NRG3: variants seen among roughly 807,000 people sequenced by gnomAD.
NRG3 encodes neuregulin 3.
A neutral mutation model predicts 66.9 loss-of-function variants in NRG3; 31 were observed. That is an observed-to-expected ratio of 0.46 (90% CI 0.35 to 0.63). The LOEUF is 0.63. Among genes scored for constraint, NRG3 ranks in the 20% least tolerant of loss-of-function variants. The probability of loss-of-function intolerance (pLI) is 0.00; values close to 1 mark genes in which losing one functional copy is unlikely to be tolerated. For missense variants in NRG3, 910 were observed against 878.9 expected, an observed-to-expected ratio of 1.04 and a Z score of -0.45; for synonymous variants, 393 against 359.4, an observed-to-expected ratio of 1.09 and a Z score of -1.06.
chr10:82,005,481 A>G (rs2061343794), intron 1 of NRG3, among the ~76,000 whole-genome samples: 1 of 152,176 alleles, frequency 6.6e-6, no homozygotes, highest in African/African-American at 2.4e-5. Flanking sequence ...AAGACAGCTG[A>G]TTCTTTAAAG....
chr10:82,091,174 C>T (rs753735207), intron 1 of NRG3, among the ~76,000 whole-genome samples: 6 of 152,018 alleles, frequency 3.9e-5, no homozygotes, highest in African/African-American at 7.2e-5. Flanking sequence ...TTCAGTGCAA[C>T]CATTCAAACA....
intron 1 of NRG3, among the ~76,000 whole-genome samples, chr10:82,079,564 A>G (rs1481008033): frequency 2.6e-5 from 4 of 152,140 alleles, no homozygotes; most frequent in Non-Finnish European, 5.9e-5. Context: ...ATGTAACGAC[A>G]TGCACCCACC....
intron 1 of NRG3, among the ~76,000 whole-genome samples, chr10:82,278,360 T>A (rs573109827): frequency 6.6e-6 from 1 of 152,170 alleles, no homozygotes; most frequent in South Asian, 2.1e-4. Flanking sequence ...GCTTCTTTAG[T>A]GAGTGGTGCT....
intron 1 of NRG3, among the ~76,000 whole-genome samples, chr10:82,068,454 T>C (rs1014774592): frequency 2.1e-4 from 32 of 152,284 alleles, no homozygotes; most frequent in South Asian, 1.5e-3. Context: ...ATGTGCAAAA[T>C]AGACGTTTCC....
At chr10:82,855,566 T>A (rs1195605077) in intron 3 of NRG3, among the ~76,000 whole-genome samples, 2 of 152,062 alleles carry the variant, frequency 1.3e-5, no homozygotes, top group East Asian at 1.9e-4. Flanking sequence ...CCCGGCTGAT[T>A]TTCGTATTTT....
At chr10:82,908,440 C>T (rs1401303286) in intron 4 of NRG3, among the ~76,000 whole-genome samples, 2 of 152,156 alleles carry the variant, frequency 1.3e-5, no homozygotes, top group African/African-American at 4.8e-5. Flanking sequence ...CTGAGACCTG[C>T]CAAGTTCTGA....
At chr10:81,936,819 C>T (rs577392630) in intron 1 of NRG3, among the ~76,000 whole-genome samples, 12 of 151,986 alleles carry the variant, frequency 7.9e-5, no homozygotes, top group Admixed American at 6.6e-4. Flanking sequence ...GGAGGGGAAG[C>T]CATGTGTAAA....
chr10:82,470,970 G>C (rs758534524), intron 2 of NRG3, among the ~76,000 whole-genome samples: 9 of 152,024 alleles, frequency 5.9e-5, no homozygotes, highest in Admixed American at 2.0e-4. Context: ...CTGGTTCTGC[G>C]GCTGTCTTTC....
At chr10:82,781,555 T>C (rs141949165) in intron 3 of NRG3, among the ~76,000 whole-genome samples, 3 of 152,266 alleles carry the variant, frequency 2.0e-5, no homozygotes, top group African/African-American at 7.2e-5. Flanking sequence ...CTTTTTCTGA[T>C]TGGCTCTCTC....
intron 1 of NRG3, among the ~76,000 whole-genome samples, chr10:81,960,189 CAAAT>C (rs1024655829): frequency 1.4e-4 from 22 of 151,992 alleles, no homozygotes; most frequent in Admixed American, 1.0e-3. Context: ...TATTTTAACT[CAAAT>C]GAATATAGTT....
chr10:82,172,800 C>T (rs1303271540), intron 1 of NRG3, among the ~76,000 whole-genome samples: 1 of 151,992 alleles, frequency 6.6e-6, no homozygotes, highest in African/African-American at 2.4e-5. Context: ...AATGTAAAGA[C>T]CCATCCTAAC....
intron 2 of NRG3, among the ~76,000 whole-genome samples, chr10:82,428,631 A>G (rs1464875794): frequency 1.3e-5 from 2 of 152,030 alleles, no homozygotes; most frequent in African/African-American, 2.4e-5. Context: ...ATGTCCTAAT[A>G]TGCAATCTAT....
chr10:82,665,763 A>ACC, intron 2 of NRG3, among the ~76,000 whole-genome samples: 2 of 152,042 alleles, frequency 1.3e-5, no homozygotes, highest in East Asian at 3.9e-4. Flanking sequence ...TTTCACATGA[A>ACC]ATCTCAACAA....
At chr10:82,564,669 C>T (rs528092961) in intron 2 of NRG3, among the ~76,000 whole-genome samples, 9 of 151,920 alleles carry the variant, frequency 5.9e-5, no homozygotes, top group Non-Finnish European at 1.0e-4. Context: ...CAGGTGAATC[C>T]GGACACAAAG....
chr10:82,964,465 G>A (rs12415064), intron 6 of NRG3, among the ~76,000 whole-genome samples: 16,323 of 152,202 alleles, frequency 0.11, 1,216 homozygotes, highest in Non-Finnish European at 0.17. Context: ...AGTGTCTGAA[G>A]AGGGTCTCTT....
intron 5 of NRG3, 127 bp from the exon 6 acceptor site, chr10:82,958,822 C>A: frequency 8.9e-7 from 1 of 1,128,766 alleles, no homozygotes; most frequent in Non-Finnish European, 1.2e-6. Flanking sequence ...GAAGGGTTCT[C>A]TTCGTTAGCT....
chr10:82,422,122 C>T (rs182169602), intron 2 of NRG3, among the ~76,000 whole-genome samples: 1 of 152,170 alleles, frequency 6.6e-6, no homozygotes, highest in Admixed American at 6.6e-5. Flanking sequence ...GATTTCAATA[C>T]ACTTGTTTAA....
At chr10:82,979,245 T>G (rs1852600260) in intron 8 of NRG3, 125 bp downstream of exon 8, 2 of 967,198 alleles carry the variant, frequency 2.1e-6, no homozygotes. Flanking sequence ...ATATGCTTAC[T>G]GCCATCTTTG....
chr10:82,362,548 G>GTTTTT lies in NRG3; in HGVS notation c.953+3697_953+3701dup, dbSNP rs10694679. Among the ~76,000 whole-genome samples the GTTTTT allele has an allele frequency of 6.9e-4, 57 of 83,174 alleles. 2 individuals are homozygous for GTTTTT. The highest frequency in any genetic ancestry group is 1.7e-3 in the African/African-American group (34 of 20,172). 54.6% of individuals were successfully genotyped at this position (83,174 alleles called of 152,430 possible). A position where few individuals can be genotyped will look rare whatever the true frequency, so the allele number is the denominator to read the frequency against. On this transcript the variant is annotated intron_variant, in intron 2 of 8. Transcript: ENST00000372141. ...ACCACCATGCCCAGATAATTTCTGG[G>GTTTTT]TTTTTTTTTTTTTTTTTTTTTCGTA... is the stretch of plus-strand genomic sequence containing the variant.
Sources: gnomAD v4.1 joint callset for allele counts (sites outside exome capture counted in the v4.1 genomes callset) on GRCh38, gnomAD v4.1.1 for gene constraint, MANE v1.5 for transcripts, NCBI Gene and HGNC (gene_info 2026-07-23, HGNC 2026-07-21) for gene names.